PBX3: variants seen among roughly 807,000 people sequenced by gnomAD.
The protein encoded by PBX3 is pre-B-cell leukemia transcription factor 3.
A neutral mutation model predicts 48.5 loss-of-function variants in PBX3; 14 were observed. The observed-to-expected ratio is 0.29, with a 90% CI of 0.19 to 0.45. The LOEUF (loss-of-function observed/expected upper bound fraction) is 0.45, where lower values mean the gene tolerates loss of function less well. Ranked by LOEUF, PBX3 falls within the 20% of genes least tolerant of loss-of-function variation. PBX3 has a pLI of 1.00. For synonymous variants in PBX3, 210 were observed against 200.3 expected, an observed-to-expected ratio of 1.05 and a Z score of -0.41; for missense variants, 386 against 546.7, an observed-to-expected ratio of 0.71 and a Z score of 2.93.
At chr9:125,862,283 T>C (rs1234767850) in intron 2 of PBX3, among the ~76,000 whole-genome samples, 1 of 152,180 alleles carries the variant, frequency 6.6e-6, no homozygotes, top group African/African-American at 2.4e-5. Flanking sequence ...TTGTGACATA[T>C]GGTAAGAGCA....
At chr9:125,914,300 T>G (rs1841275208) in intron 2 of PBX3, among the ~76,000 whole-genome samples, 1 of 152,184 alleles carries the variant, frequency 6.6e-6, no homozygotes, top group Non-Finnish European at 1.5e-5. Flanking sequence ...TGAGTTAGTT[T>G]TATTATCCAG....
intron 2 of PBX3, among the ~76,000 whole-genome samples, chr9:125,883,683 G>A (rs1249636346): frequency 2.0e-5 from 3 of 152,248 alleles, no homozygotes. Flanking sequence ...AACTGTGATG[G>A]GGAAAGTAGC....
intron 2 of PBX3, among the ~76,000 whole-genome samples, chr9:125,806,713 A>G (rs557264318): frequency 1.3e-5 from 2 of 152,238 alleles, no homozygotes; most frequent in South Asian, 4.1e-4. Context: ...ATTGCAGATC[A>G]TATTAAGCTC....
intron 2 of PBX3, among the ~76,000 whole-genome samples, chr9:125,879,377 G>A (rs1226817229): frequency 1.3e-5 from 2 of 151,714 alleles, no homozygotes; most frequent in Non-Finnish European, 1.5e-5. Context: ...CACCGTGCCC[G>A]GCCAAAGACA....
chr9:125,867,744 C>T (rs1840020797), intron 2 of PBX3, among the ~76,000 whole-genome samples: 1 of 149,816 alleles, frequency 6.7e-6, no homozygotes, highest in South Asian at 2.1e-4. Context: ...TTCTGTCTCT[C>T]TCTCTCTCTA....
intron 2 of PBX3, among the ~76,000 whole-genome samples, chr9:125,886,738 C>G (rs1840511825): frequency 6.6e-6 from 1 of 152,018 alleles, no homozygotes; most frequent in Non-Finnish European, 1.5e-5. Flanking sequence ...AGACAGATAA[C>G]CTTTATTCAT....
chr9:125,791,341 A>ATCTG lies in PBX3; in HGVS notation c.274+42721_274+42722insGTCT, dbSNP rs1837602561. 2.7e-5 allele frequency among the ~76,000 whole-genome samples: 4 copies of ATCTG among 149,756 alleles called. No homozygotes were observed. The South Asian group carries it at 8.5e-4, about 32-fold the overall frequency. On this transcript the variant is annotated intron_variant, in intron 2 of 8. Transcript: ENST00000373489. ...TATCTATCTATCTATCTATCTATCT[A>ATCTG]TCTATCTCTGTCAATCATCTGTCAT...
chr9:125,871,398 C>G (rs1248371048), intron 2 of PBX3, among the ~76,000 whole-genome samples: 4 of 140,924 alleles, frequency 2.8e-5, no homozygotes, highest in Non-Finnish European at 6.3e-5. Context: ...AAAAAAAAAT[C>G]TAAAAAAACC....
In PBX3 at chr9:125,819,578, A is replaced by G. The variant is rs765294197; in HGVS notation, c.274+70955A>G. Among the ~76,000 whole-genome samples the G allele has an allele frequency of 3.5e-4, 53 of 152,172 alleles. 1 individual carries two copies. Among genetic ancestry groups the G allele is most frequent in the Admixed American group, 3.1e-3 (48 of 15,274 alleles). On this transcript the variant is annotated intron_variant, in intron 2 of 8. Coordinates refer to ENST00000373489, the MANE Select transcript of PBX3 (RefSeq NM_006195.6). ...AGCTATAATAGATCAGCTGAACTAT[A>G]TGGAAATGGGAAACGTGCAAATACT...
chr9:125,897,744 A>G (rs1423019611), intron 2 of PBX3, among the ~76,000 whole-genome samples: 1 of 151,910 alleles, frequency 6.6e-6, no homozygotes, highest in Non-Finnish European at 1.5e-5. Context: ...GGAGCTTTCC[A>G]TAGAAGTGCA....
chr9:125,899,202 TTTATAA>T (rs1363673241), intron 2 of PBX3, among the ~76,000 whole-genome samples: 7 of 141,442 alleles, frequency 4.9e-5, no homozygotes, highest in Admixed American at 1.5e-4. Flanking sequence ...GATATATATA[TTTATAA>T]ATATACATAT....
At chr9:125,802,776 T>C (rs944129274) in intron 2 of PBX3, among the ~76,000 whole-genome samples, 1 of 150,928 alleles carries the variant, frequency 6.6e-6, no homozygotes, top group Non-Finnish European at 1.5e-5. Flanking sequence ...CCTCCCGGGT[T>C]CAAGCAATTC....
chr9:125,872,827 A>G lies in PBX3; in HGVS notation c.275-42859A>G, dbSNP rs750858457. Among the ~76,000 whole-genome samples, 4 of 151,780 alleles carry G rather than the reference A, an allele frequency of 2.6e-5. 1 individual carries two copies. In the South Asian group the frequency reaches 8.4e-4, roughly 32 times the overall value. ...AAAGAGGGACACTATATCTTGATAA[A>G]TGGTCCAATTAGACAGGAGAAGTGT... is the stretch of plus-strand genomic sequence containing the variant. On this transcript the variant is annotated intron_variant, in intron 2 of 8. Coordinates refer to ENST00000373489, the MANE Select transcript of PBX3 (RefSeq NM_006195.6).
chr9:125,833,361 G>A (rs1839022132), intron 2 of PBX3, among the ~76,000 whole-genome samples: 1 of 152,030 alleles, frequency 6.6e-6, no homozygotes, highest in African/African-American at 2.4e-5. Flanking sequence ...GTGCACACCT[G>A]TAGTCCCAGC....
At chr9:125,778,556 C>CT (rs1475034096) in intron 2 of PBX3, among the ~76,000 whole-genome samples, 8 of 149,500 alleles carry the variant, frequency 5.4e-5, no homozygotes, top group Non-Finnish European at 7.4e-5. Context: ...TGCGCCCGGC[C>CT]TTTTTTTTCC....
At chr9:125,901,336 A>T (rs1840940561) in intron 2 of PBX3, among the ~76,000 whole-genome samples, 3 of 151,760 alleles carry the variant, frequency 2.0e-5, no homozygotes, top group Admixed American at 1.3e-4. Context: ...TCTTGGCTAT[A>T]TGAAAAACTG....
At chr9:125,791,522 G>C (rs1361068663) in intron 2 of PBX3, among the ~76,000 whole-genome samples, 1 of 152,090 alleles carries the variant, frequency 6.6e-6, no homozygotes, top group African/African-American at 2.4e-5. Context: ...GTTCTCACGA[G>C]ATCTGGTTAT....
chr9:125,769,913 C>T (rs1000480744), intron 2 of PBX3, among the ~76,000 whole-genome samples: 9 of 152,010 alleles, frequency 5.9e-5, no homozygotes, highest in Non-Finnish European at 1.3e-4. Flanking sequence ...TTAATTAGCT[C>T]TTAACCACTT....
chr9:125,792,977 C>T lies in PBX3; in HGVS notation c.274+44354C>T, dbSNP rs545525717. Among the ~76,000 whole-genome samples, 13 of 152,016 alleles carry T rather than the reference C, an allele frequency of 8.6e-5. No individual in the cohort carries two copies. In the South Asian group the frequency reaches 2.3e-3, roughly 27 times the overall value. On this transcript the variant is annotated intron_variant, in intron 2 of 8. Coordinates refer to ENST00000373489, the MANE Select transcript of PBX3 (RefSeq NM_006195.6). Reference sequence around the variant, plus strand: ...CCTCCAAAAGTGCTGGGATTATAAGCGTGAGCCACCGCGCCCGGCCGAGGT... The same window carrying T: ...CCTCCAAAAGTGCTGGGATTATAAGTGTGAGCCACCGCGCCCGGCCGAGGT...
Sources: allele counts gnomAD v4.1 joint callset (sites outside exome capture counted in the v4.1 genomes callset), GRCh38; gene constraint gnomAD v4.1.1; transcripts MANE v1.5; gene names NCBI Gene and HGNC (gene_info 2026-07-23, HGNC 2026-07-21).